The following CEP112 variants were observed in gnomAD, a reference collection of about 807,000 sequenced individuals.
The protein encoded by CEP112 is centrosomal protein 112.
Under a neutral mutation model 153.0 loss-of-function variants are expected in CEP112, and 127 were observed. The ratio of observed to expected loss-of-function variants is 0.83; its 90% CI spans 0.72 to 0.96. The LOEUF is 0.96. CEP112 is among the 40% of genes least tolerant of loss of function. CEP112 has a pLI of 0.00. For missense variants in CEP112, 1,089 were observed against 1,101.2 expected, an observed-to-expected ratio of 0.99 and a Z score of 0.16; for synonymous variants, 358 against 374.4, an observed-to-expected ratio of 0.96 and a Z score of 0.51.
intron 24 of CEP112, among the ~76,000 whole-genome samples, chr17:65,649,761 C>T (rs1238182904): frequency 2.7e-5 from 4 of 148,770 alleles, no homozygotes; most frequent in African/African-American, 9.9e-5. Flanking sequence ...CTTTACAAAG[C>T]CCAACAAGCA....
intron 21 of CEP112, among the ~76,000 whole-genome samples, chr17:65,824,051 A>C (rs2056722692): frequency 6.6e-6 from 1 of 152,212 alleles, no homozygotes; most frequent in South Asian, 2.1e-4. Context: ...TTCTAATAAA[A>C]TTTAAAAATA....
rs779522664 is a variant in CEP112 at position 66,176,882 on chromosome 17, G to A, written c.245C>T (p.Pro82Leu). The A allele has an allele frequency of 3.7e-6, 6 of 1,613,588 alleles. No individual in the cohort carries two copies. Among genetic ancestry groups the A allele is most frequent in the Non-Finnish European group, 5.1e-6 (6 of 1,179,854 alleles). The change falls in exon 3 of 27, where the codon CCT (proline) becomes CTT (leucine). Residue 82 changes from proline to leucine, a missense_variant. Pro to Leu is a moderately conservative substitution (Grantham distance 98). Transcript: ENST00000535342. ...HMLKRGALEG[P>L]FTHRPEPGTL... Reference sequence around the variant, plus strand: ...CCCGGGTTCAGGTCGGTGTGTAAAAGGGCCTTCAAGCGCACCTCGTTTAAG... The same window carrying A: ...CCCGGGTTCAGGTCGGTGTGTAAAAAGGCCTTCAAGCGCACCTCGTTTAAG...
At chr17:66,029,652 A>G (rs190915990) in intron 13 of CEP112, among the ~76,000 whole-genome samples, 22 of 152,144 alleles carry the variant, frequency 1.4e-4, no homozygotes, top group Non-Finnish European at 2.6e-4. Context: ...ACAGTGAGCC[A>G]TGATCACACC....
chr17:66,098,443 C>T (rs906456700), intron 6 of CEP112, among the ~76,000 whole-genome samples: 6 of 152,120 alleles, frequency 3.9e-5, no homozygotes, highest in South Asian at 2.1e-4. Flanking sequence ...GTTCCCCAAA[C>T]GATTTATTAC....
chr17:66,162,551 T>C (rs372125540), intron 4 of CEP112, among the ~76,000 whole-genome samples: 9 of 152,344 alleles, frequency 5.9e-5, no homozygotes, highest in African/African-American at 1.9e-4. Context: ...CATGGTACAA[T>C]GGATATATAA....
At chr17:66,075,378 A>G (rs758821689) in intron 8 of CEP112, among the ~76,000 whole-genome samples, 3 of 152,192 alleles carry the variant, frequency 2.0e-5, no homozygotes, top group Admixed American at 6.5e-5. Context: ...TGACTTTGAT[A>G]TGGTAAGGAT....
At chr17:65,791,812 A>G (rs892342303) in intron 21 of CEP112, among the ~76,000 whole-genome samples, 1 of 152,222 alleles carries the variant, frequency 6.6e-6, no homozygotes, top group African/African-American at 2.4e-5. Flanking sequence ...ATATTTAATT[A>G]TGTGGTTCCC....
At chr17:65,819,546 A>C (rs1285668034) in intron 21 of CEP112, among the ~76,000 whole-genome samples, 1 of 152,004 alleles carries the variant, frequency 6.6e-6, no homozygotes, top group Non-Finnish European at 1.5e-5. Flanking sequence ...TAGAAATGAA[A>C]AATGATTAAT....
chr17:65,946,708 A>G (rs1406059938), intron 18 of CEP112, among the ~76,000 whole-genome samples: 1 of 152,078 alleles, frequency 6.6e-6, no homozygotes, highest in Non-Finnish European at 1.5e-5. Context: ...CACTGTTAAG[A>G]TTTTGATTTT....
chr17:65,820,923 G>T (rs1261699621), intron 21 of CEP112, among the ~76,000 whole-genome samples: 1 of 152,038 alleles, frequency 6.6e-6, no homozygotes, highest in Non-Finnish European at 1.5e-5. Flanking sequence ...ATGACCCGGG[G>T]TTGCTTCCTT....
chr17:66,009,735 CT>C (rs2064431976), intron 16 of CEP112, among the ~76,000 whole-genome samples: 1 of 152,110 alleles, frequency 6.6e-6, no homozygotes, highest in Non-Finnish European at 1.5e-5. Flanking sequence ...TTCCCCATTG[CT>C]TTTTTGTGTT....
chr17:66,021,911 A>G (rs2065014608), intron 16 of CEP112, among the ~76,000 whole-genome samples: 1 of 152,186 alleles, frequency 6.6e-6, no homozygotes, highest in Non-Finnish European at 1.5e-5. Context: ...TTATTCCTAC[A>G]AGAGCAACTG....
chr17:65,668,618 A>T (rs1209216992), intron 24 of CEP112, among the ~76,000 whole-genome samples: 1 of 152,200 alleles, frequency 6.6e-6, no homozygotes, highest in Non-Finnish European at 1.5e-5. Context: ...CAAGCTGAAA[A>T]GGAATAAAAG....
chr17:65,749,956 A>G (rs1050684086), intron 22 of CEP112, among the ~76,000 whole-genome samples: 2 of 152,232 alleles, frequency 1.3e-5, no homozygotes, highest in Non-Finnish European at 2.9e-5. Context: ...CAAAGTAAAG[A>G]TAAGTAGTAT....
At chr17:65,836,834 C>G (rs1261689726) in intron 21 of CEP112, among the ~76,000 whole-genome samples, 1 of 151,916 alleles carries the variant, frequency 6.6e-6, no homozygotes, top group Non-Finnish European at 1.5e-5. Flanking sequence ...TCCCCCTCCC[C>G]CTCCCCCTCT....
rs148883951 is a variant in CEP112, at chr17:65,752,495, C to T, written c.2395-1771G>A. ...TCAAGGTGTTCAGGAGAGTGACTCT[C>T]GTGCAAGGCTAGCCTCACATTTCTC... On this transcript the variant is annotated intron_variant, in intron 21 of 26. Transcript: ENST00000535342. Among the ~76,000 whole-genome samples, 160 of 152,314 alleles carry T rather than the reference C, an allele frequency of 1.1e-3. 2 individuals are homozygous for T. The highest frequency in any genetic ancestry group is 3.5e-3 in the African/African-American group (144 of 41,558).
At chr17:66,025,426 TCAA>T (rs920635601) in intron 16 of CEP112, among the ~76,000 whole-genome samples, 2 of 151,526 alleles carry the variant, frequency 1.3e-5, no homozygotes, top group Non-Finnish European at 2.9e-5. Flanking sequence ...CTCAAACAAC[TCAA>T]CAACAGCAAC....
chr17:65,642,917 T>C (rs936495170), intron 24 of CEP112, among the ~76,000 whole-genome samples: 2 of 152,226 alleles, frequency 1.3e-5, no homozygotes, highest in African/African-American at 4.8e-5. Context: ...TAAACAAATT[T>C]TATTCTGTAT....
intron 20 of CEP112, among the ~76,000 whole-genome samples, chr17:65,870,014 TAAGAAAGAAAGAAAGA>T (rs754013580): frequency 0.021 from 938 of 44,672 alleles, 7 homozygotes; most frequent in Middle Eastern, 0.034. Context: ...AGGTAGAGAA[TAAGAAAGAAAGAAAGA>T]AAGAAAGAAA....
Sources: gnomAD v4.1 joint callset for allele counts (sites outside exome capture counted in the v4.1 genomes callset) on GRCh38, gnomAD v4.1.1 for gene constraint, MANE v1.5 for transcripts, NCBI Gene and HGNC (gene_info 2026-07-23, HGNC 2026-07-21) for gene names.